Variants in STARD13 observed in about 807,000 individuals in gnomAD.
The protein encoded by STARD13 is StAR related lipid transfer domain containing 13.
In STARD13, 62 loss-of-function variants were observed where a neutral mutation model predicts 106.4. That is an observed-to-expected ratio of 0.58 (90% CI 0.48 to 0.72). The LOEUF (loss-of-function observed/expected upper bound fraction) is 0.72. Ranked by LOEUF, STARD13 falls within the 30% of genes least tolerant of loss-of-function variation. The pLI, the probability that STARD13 is intolerant of heterozygous loss-of-function variation, is 0.00. For synonymous variants in STARD13, 565 were observed against 553.0 expected, an observed-to-expected ratio of 1.02 and a Z score of -0.31; for missense variants, 1,387 against 1,424.0, an observed-to-expected ratio of 0.97 and a Z score of 0.42.
At chr13:33,498,272 A>T in the STARD13 span, among the ~76,000 whole-genome samples, 2 of 152,134 alleles carry the variant, frequency 1.3e-5, no homozygotes, top group Non-Finnish European at 2.9e-5. Flanking sequence ...CTAAGTGCAC[A>T]CTCTGGGTCA....
At chr13:33,197,416 TTGTGTGTGTGTGTG>T (rs142681141) in intron 1 of STARD13, among the ~76,000 whole-genome samples, 3 of 148,134 alleles carry the variant, frequency 2.0e-5, no homozygotes, top group African/African-American at 7.4e-5. Context: ...AGGAAGAGAG[TTGTGTGTGTGTGTG>T]TGTGTGTGTG....
In STARD13 at chr13:33,152,906, G is replaced by C. The variant is rs115976662; in HGVS notation, c.324-10533C>G. The stretch of plus-strand genomic sequence containing the variant: ...ACAGAATGAGCATTAAAAAAAGGAG[G>C]GAGTAATTGGGTGGCTGTATCAAAT... On this transcript the variant is annotated intron_variant, in intron 3 of 13. Transcript: ENST00000336934. Among the ~76,000 whole-genome samples the C allele has an allele frequency of 7.3e-3, 1,114 of 152,190 alleles. 16 individuals carry two copies. The highest frequency in any genetic ancestry group is 0.025 in the African/African-American group (1,057 of 41,516).
At chr13:33,494,550 C>T in the STARD13 span, among the ~76,000 whole-genome samples, 10 of 152,136 alleles carry the variant, frequency 6.6e-5, no homozygotes, top group Admixed American at 5.2e-4. Flanking sequence ...CCCCACCTTT[C>T]TGCATGGGCT....
chr13:33,119,964 G>T (rs1162795073), intron 7 of STARD13, among the ~76,000 whole-genome samples: 1 of 152,180 alleles, frequency 6.6e-6, no homozygotes, highest in Non-Finnish European at 1.5e-5. Flanking sequence ...TCAGGTGAGT[G>T]ATTATTGGGG....
At chr13:33,147,802 A>G (rs1363570811) in intron 3 of STARD13, among the ~76,000 whole-genome samples, 1 of 152,218 alleles carries the variant, frequency 6.6e-6, no homozygotes, top group Non-Finnish European at 1.5e-5. Context: ...GAGGACTGAC[A>G]CTATCCAAAT....
At chr13:33,535,902 TA>T in the STARD13 span, among the ~76,000 whole-genome samples, 1 of 152,192 alleles carries the variant, frequency 6.6e-6, no homozygotes, top group Admixed American at 6.5e-5. Context: ...TCCGAAAATC[TA>T]TACTTAAATT....
chr13:33,400,650 A>G, the STARD13 span, among the ~76,000 whole-genome samples: 1 of 152,020 alleles, frequency 6.6e-6, no homozygotes, highest in Non-Finnish European at 1.5e-5. Flanking sequence ...TTTTTACTAG[A>G]GACGGGGTTT....
intron 3 of STARD13, among the ~76,000 whole-genome samples, chr13:33,149,197 T>C (rs1880943185): frequency 6.6e-6 from 1 of 152,044 alleles, no homozygotes; most frequent in African/African-American, 2.4e-5. Flanking sequence ...CTATGGAGAA[T>C]TTGGGTGATA....
At chr13:33,561,236 G>C in the STARD13 span, among the ~76,000 whole-genome samples, 1 of 150,528 alleles carries the variant, frequency 6.6e-6, no homozygotes, top group Non-Finnish European at 1.5e-5. Context: ...TGTTGATTTT[G>C]GTTAAAAAAA....
At chr13:33,207,390 A>G (rs1176463395) in intron 1 of STARD13, among the ~76,000 whole-genome samples, 1 of 152,226 alleles carries the variant, frequency 6.6e-6, no homozygotes, top group African/African-American at 2.4e-5. Context: ...GAGTCTGTCA[A>G]ATAAGAGAAT....
At chr13:33,432,871 C>A in the STARD13 span, among the ~76,000 whole-genome samples, 1 of 152,066 alleles carries the variant, frequency 6.6e-6, no homozygotes, top group East Asian at 1.9e-4. Context: ...TGTGGGCATA[C>A]TATAGAATCT....
chr13:33,402,211 G>C, the STARD13 span, among the ~76,000 whole-genome samples: 1 of 152,104 alleles, frequency 6.6e-6, no homozygotes, highest in Non-Finnish European at 1.5e-5. Context: ...GCACACAGAA[G>C]GTGTTTACAA....
At chr13:33,479,931 G>A in the STARD13 span, among the ~76,000 whole-genome samples, 10,554 of 152,152 alleles carry the variant, frequency 0.069, 958 homozygotes, top group African/African-American at 0.21. Flanking sequence ...CCAGCATCAT[G>A]CTTCCTGTAT....
At chr13:33,628,260 A>T in the STARD13 span, among the ~76,000 whole-genome samples, 1 of 151,776 alleles carries the variant, frequency 6.6e-6, no homozygotes, top group Non-Finnish European at 1.5e-5. Flanking sequence ...TGAACTAGGG[A>T]TGCCCCTGTC....
rs148482683 is a variant in STARD13 at position 33,127,909 on chromosome 13, G to A, written c.1749-363C>T. On this transcript the variant is annotated intron_variant, in intron 5 of 13. Transcript: ENST00000336934. ...TGAGAGAGAGAGAGAGAGAAACAGA[G>A]GGAGAGAGAGAAACGGAAAGAGAGG... Among the ~76,000 whole-genome samples, 635 of 151,874 alleles carry A rather than the reference G, an allele frequency of 4.2e-3. 6 individuals carry two copies. The highest frequency in any genetic ancestry group is 0.014 in the African/African-American group (600 of 41,406).
chr13:33,538,634 T>C, the STARD13 span, among the ~76,000 whole-genome samples: 1 of 146,058 alleles, frequency 6.8e-6, no homozygotes, highest in Non-Finnish European at 1.5e-5. Flanking sequence ...CAGAGCCCAG[T>C]ATTTTTTTTT....
the STARD13 span, among the ~76,000 whole-genome samples, chr13:33,567,841 T>C: frequency 3.1e-4 from 46 of 148,138 alleles, 6 homozygotes; most frequent in East Asian, 7.9e-3. Flanking sequence ...ATCAAAATGC[T>C]GTTTGCCCAT....
exon 2 of STARD13, chr13:33,349,019 T>C (rs1017899071): frequency 1.4e-5 from 9 of 661,142 alleles, no homozygotes; most frequent in African/African-American, 7.1e-5. Flanking sequence ...AGGATGTGGG[T>C]GCATGGGTTT....
chr13:33,254,225 C>A (rs917922946), intron 1 of STARD13, among the ~76,000 whole-genome samples: 4 of 152,096 alleles, frequency 2.6e-5, no homozygotes, highest in Non-Finnish European at 5.9e-5. Flanking sequence ...GTCAAGTCAG[C>A]GGCAAAGAGG....
Sources: allele counts gnomAD v4.1 joint callset (sites outside exome capture counted in the v4.1 genomes callset), GRCh38; gene constraint gnomAD v4.1.1; transcripts MANE v1.5; gene names NCBI Gene and HGNC (gene_info 2026-07-23, HGNC 2026-07-21).